MRPS9: variants seen among roughly 807,000 people sequenced by gnomAD.
The protein encoded by MRPS9 is small ribosomal subunit protein uS9m.
Under a neutral mutation model 59.9 loss-of-function variants are expected in MRPS9, and 45 were observed. The observed-to-expected ratio is 0.75, with a 90% CI of 0.59 to 0.96. The LOEUF is 0.96. MRPS9 is among the 40% of genes least tolerant of loss of function. The pLI is 0.00. For missense variants in MRPS9, 473 were observed against 481.1 expected, an observed-to-expected ratio of 0.98 and a Z score of 0.16; for synonymous variants, 171 against 166.8, an observed-to-expected ratio of 1.03 and a Z score of -0.19.
intron 2 of MRPS9, among the ~76,000 whole-genome samples, chr2:105,061,811 C>A (rs112358525): frequency 0.018 from 2,681 of 152,084 alleles, 78 homozygotes; most frequent in African/African-American, 0.062. Context: ...TCAGGTGGAC[C>A]CTCCTAGAAC....
chr2:105,099,950 T>C lies in MRPS9; in HGVS notation c.*189T>C, dbSNP rs1039587417. On this transcript the variant is annotated 3_prime_UTR_variant, in exon 11 of 11. Transcript: ENST00000258455. ...TAAAAAATAAAAGGAAAATAAAGAA[T>C]GTTAGTTTCATTCTGCCGCTTTATT... is the stretch of plus-strand genomic sequence containing the variant. 5 of 480,850 alleles carry C rather than the reference T, an allele frequency of 1.0e-5. No homozygotes were observed. Among genetic ancestry groups the C allele is most frequent in the Admixed American group, 3.6e-5 (1 of 27,708 alleles). The allele number at this position is 480,850 out of a possible 1,614,324, so 29.8% of individuals were successfully genotyped here.
At chr2:105,086,579 AC>A (rs1680449909) in intron 5 of MRPS9, among the ~76,000 whole-genome samples, 1 of 152,172 alleles carries the variant, frequency 6.6e-6, no homozygotes, top group Non-Finnish European at 1.5e-5. Flanking sequence ...AATTAAGTAA[AC>A]CCTTGTAAGC....
intron 1 of MRPS9, among the ~76,000 whole-genome samples, chr2:105,048,199 G>A (rs1679631465): frequency 6.6e-6 from 1 of 152,036 alleles, no homozygotes; most frequent in African/African-American, 2.4e-5. Context: ...CATGTCCTTT[G>A]CAGGGACATG....
At chr2:105,080,949 C>T (rs2104460994) in intron 5 of MRPS9, among the ~76,000 whole-genome samples, 1 of 151,754 alleles carries the variant, frequency 6.6e-6, no homozygotes, top group African/African-American at 2.4e-5. Context: ...TTTTGTTGAC[C>T]TTGGGCAAAT....
chr2:105,078,206 A>G (rs1187511500), intron 4 of MRPS9, among the ~76,000 whole-genome samples: 1 of 149,526 alleles, frequency 6.7e-6, no homozygotes, highest in Admixed American at 6.7e-5. Flanking sequence ...ATTTTTGTAA[A>G]CTATGATACA....
At chr2:105,081,202 A>T (rs1680333231) in intron 5 of MRPS9, among the ~76,000 whole-genome samples, 1 of 152,204 alleles carries the variant, frequency 6.6e-6, no homozygotes, top group Admixed American at 6.5e-5. Context: ...GCTAAGAAAT[A>T]ATGTACAACG....
intron 4 of MRPS9, among the ~76,000 whole-genome samples, chr2:105,078,432 C>A (rs1680258326): frequency 6.6e-6 from 1 of 151,794 alleles, no homozygotes; most frequent in South Asian, 2.1e-4. Context: ...TTGTCTGCAG[C>A]CATGATGTTT....
chr2:105,094,162 G>T (rs1680614486), intron 9 of MRPS9, among the ~76,000 whole-genome samples: 1 of 152,162 alleles, frequency 6.6e-6, no homozygotes, highest in South Asian at 2.1e-4. Context: ...AGAGGAATGT[G>T]ATTATATATA....
At chr2:105,039,939 C>T (rs899754035) in intron 1 of MRPS9, among the ~76,000 whole-genome samples, 3 of 152,200 alleles carry the variant, frequency 2.0e-5, no homozygotes, top group African/African-American at 7.2e-5. Context: ...CTGAGCCAGG[C>T]ACTGTGAAGT....
At chr2:105,071,218 A>C in intron 2 of MRPS9, 95 bp from the exon 3 acceptor site, 1 of 890,334 alleles carries the variant, frequency 1.1e-6, no homozygotes, top group Non-Finnish European at 1.8e-6. Context: ...TTGAAACTCT[A>C]GTTCAATGTC....
chr2:105,096,689 G>A (rs1680667226), intron 9 of MRPS9, among the ~76,000 whole-genome samples: 1 of 152,192 alleles, frequency 6.6e-6, no homozygotes, highest in African/African-American at 2.4e-5. Context: ...ACCATATCAA[G>A]ATGAGCATTA....
At chr2:105,087,870 G>A (rs1383294786) in intron 5 of MRPS9, among the ~76,000 whole-genome samples, 1 of 146,122 alleles carries the variant, frequency 6.8e-6, no homozygotes, top group Non-Finnish European at 1.5e-5. Context: ...TGAAGACCAT[G>A]CTAAAATGCA....
chr2:105,069,234 A>G (rs1169875902), intron 2 of MRPS9, among the ~76,000 whole-genome samples: 1 of 69,082 alleles, frequency 1.4e-5, no homozygotes, highest in Non-Finnish European at 3.0e-5. Context: ...TTTTTTTTTG[A>G]GACAGAGTCT....
At chr2:105,048,453 GTAAC>G (rs1421790578) in intron 1 of MRPS9, among the ~76,000 whole-genome samples, 2 of 151,704 alleles carry the variant, frequency 1.3e-5, no homozygotes, top group Non-Finnish European at 2.9e-5. Context: ...GTATACATAT[GTAAC>G]TAACCTGCAC....
At chr2:105,056,593 G>A (rs1358372081) in intron 2 of MRPS9, among the ~76,000 whole-genome samples, 1 of 152,140 alleles carries the variant, frequency 6.6e-6, no homozygotes, top group Non-Finnish European at 1.5e-5. Flanking sequence ...GAGGCCCTAC[G>A]TGCCCCTCCT....
intron 2 of MRPS9, among the ~76,000 whole-genome samples, chr2:105,052,137 G>T (rs1679723246): frequency 6.6e-6 from 1 of 152,042 alleles, no homozygotes; most frequent in Non-Finnish European, 1.5e-5. Flanking sequence ...TAATTGCCTT[G>T]GCTAGAATGT....
chr2:105,084,602 T>C (rs1300026320), intron 5 of MRPS9, among the ~76,000 whole-genome samples: 1 of 152,182 alleles, frequency 6.6e-6, no homozygotes, highest in African/African-American at 2.4e-5. Context: ...AACTCTTGCA[T>C]GTAGTGCTGT....
At chr2:105,086,231 A>G (rs965907281) in intron 5 of MRPS9, among the ~76,000 whole-genome samples, 1 of 152,200 alleles carries the variant, frequency 6.6e-6, no homozygotes, top group African/African-American at 2.4e-5. Flanking sequence ...CTTAATGGGC[A>G]TTATGTGATT....
chr2:105,049,940 G>A (rs147370813), intron 2 of MRPS9, among the ~76,000 whole-genome samples: 1 of 150,586 alleles, frequency 6.6e-6, no homozygotes, highest in African/African-American at 2.4e-5. Context: ...AATATCCCAT[G>A]ATGTTTTATA....
Sources: allele counts gnomAD v4.1 joint callset (sites outside exome capture counted in the v4.1 genomes callset), GRCh38; gene constraint gnomAD v4.1.1; transcripts MANE v1.5; gene names NCBI Gene and HGNC (gene_info 2026-07-23, HGNC 2026-07-21).